Variants in PRELID2 observed in about 807,000 individuals in gnomAD.
PRELID2 encodes PRELI domain containing 2, also known as PRELI domain-containing protein 2.
In PRELID2, 25 loss-of-function variants were observed where a neutral mutation model predicts 28.4. That is an observed-to-expected ratio of 0.88 (90% CI 0.64 to 1.23). The LOEUF is 1.23. Among genes scored for constraint, PRELID2 ranks in the 50% most tolerant of loss-of-function variants. The pLI, the probability that PRELID2 is intolerant of heterozygous loss-of-function variation, is 0.00. For synonymous variants in PRELID2, 76 were observed against 71.6 expected (o/e 1.06, Z -0.31); for missense variants, 201 against 214.4 (o/e 0.94, Z 0.39).
At chr5:145,544,400 G>A (rs895356640) in intron 1 of PRELID2, among the ~76,000 whole-genome samples, 4 of 151,990 alleles carry the variant, frequency 2.6e-5, no homozygotes, top group Admixed American at 1.3e-4. Flanking sequence ...TTTGTATGGC[G>A]AGGTACAAAT....
At chr5:145,364,161 C>A in the PRELID2 span, among the ~76,000 whole-genome samples, 1 of 151,802 alleles carries the variant, frequency 6.6e-6, no homozygotes, top group African/African-American at 2.4e-5. Flanking sequence ...CAAAGGTAAA[C>A]AAAACTGAAA....
At chr5:145,322,574 A>G in the PRELID2 span, among the ~76,000 whole-genome samples, 1 of 152,228 alleles carries the variant, frequency 6.6e-6, no homozygotes, top group African/African-American at 2.4e-5. Flanking sequence ...GCCTAGCAAG[A>G]CAGAAAAACA....
the PRELID2 span, among the ~76,000 whole-genome samples, chr5:145,450,078 TA>T: frequency 1.3e-5 from 2 of 152,160 alleles, no homozygotes; most frequent in African/African-American, 4.8e-5. Context: ...AAGAGCAGTT[TA>T]AAAAGCTGCG....
At chr5:145,429,309 C>T in the PRELID2 span, among the ~76,000 whole-genome samples, 3 of 152,098 alleles carry the variant, frequency 2.0e-5, no homozygotes, top group Non-Finnish European at 4.4e-5. Flanking sequence ...ACGGATTGGT[C>T]ATGGGGTATG....
chr5:145,315,306 G>A, the PRELID2 span, among the ~76,000 whole-genome samples: 1 of 152,062 alleles, frequency 6.6e-6, no homozygotes, highest in Non-Finnish European at 1.5e-5. Context: ...TTGACCTCGT[G>A]ATCTGCCCGC....
the PRELID2 span, among the ~76,000 whole-genome samples, chr5:145,359,320 A>G: frequency 1.3e-5 from 2 of 152,190 alleles, no homozygotes; most frequent in East Asian, 1.9e-4. Context: ...GTGGCATTCA[A>G]TCTATCACAG....
chr5:145,484,499 T>C (rs896178000), intron 1 of PRELID2, among the ~76,000 whole-genome samples: 6 of 152,234 alleles, frequency 3.9e-5, no homozygotes, highest in African/African-American at 1.4e-4. Context: ...CATTGATACA[T>C]TGATTCATTC....
the PRELID2 span, among the ~76,000 whole-genome samples, chr5:145,343,173 T>C: frequency 3.9e-5 from 6 of 152,058 alleles, no homozygotes; most frequent in South Asian, 1.0e-3. Flanking sequence ...CCAAATGAGC[T>C]TACAAGACAT....
intron 5 of PRELID2, among the ~76,000 whole-genome samples, chr5:145,773,150 C>T (rs1455233516): frequency 6.6e-6 from 1 of 152,140 alleles, no homozygotes; most frequent in Non-Finnish European, 1.5e-5. Flanking sequence ...AATATATCCT[C>T]AAATAATAAA....
chr5:145,634,962 T>C (rs1229281552), intron 1 of PRELID2, among the ~76,000 whole-genome samples: 2 of 152,232 alleles, frequency 1.3e-5, no homozygotes, highest in Admixed American at 6.5e-5. Flanking sequence ...CAGTCACAGT[T>C]AACCATCCCC....
At chr5:145,250,892 G>T in the PRELID2 span, among the ~76,000 whole-genome samples, 1 of 152,118 alleles carries the variant, frequency 6.6e-6, no homozygotes, top group East Asian at 1.9e-4. Context: ...TGCAGTGCCT[G>T]GAAGAGCACA....
At chr5:145,664,701 A>T (rs140589341) in intron 1 of PRELID2, among the ~76,000 whole-genome samples, 114 of 152,214 alleles carry the variant, frequency 7.5e-4, no homozygotes, top group African/African-American at 2.5e-3. Context: ...ATGGGCTTCA[A>T]GGTGGCTCTG....
At chr5:145,652,457 C>T (rs1286689475) in intron 1 of PRELID2, among the ~76,000 whole-genome samples, 3 of 152,114 alleles carry the variant, frequency 2.0e-5, no homozygotes, top group African/African-American at 7.2e-5. Flanking sequence ...GTCAGATTCA[C>T]CAAAGTTGCA....
chr5:145,653,937 T>TC (rs1220539113), intron 1 of PRELID2, among the ~76,000 whole-genome samples: 1 of 151,892 alleles, frequency 6.6e-6, no homozygotes, highest in African/African-American at 2.4e-5. Flanking sequence ...AAAAAACCCT[T>TC]CAAAAAATCA....
chr5:145,283,309 G>C, the PRELID2 span, among the ~76,000 whole-genome samples: 2 of 152,040 alleles, frequency 1.3e-5, no homozygotes, highest in African/African-American at 4.8e-5. Flanking sequence ...GTAAAATTAC[G>C]CAACTGGGGG....
intron 1 of PRELID2, among the ~76,000 whole-genome samples, chr5:145,693,085 C>T (rs1319519624): frequency 6.6e-6 from 1 of 151,918 alleles, no homozygotes; most frequent in Non-Finnish European, 1.5e-5. Context: ...AATTGTTCCT[C>T]ATAAATTCCT....
chr5:145,643,698 G>C (rs773082266), intron 1 of PRELID2, among the ~76,000 whole-genome samples: 31 of 152,122 alleles, frequency 2.0e-4, no homozygotes, highest in Non-Finnish European at 4.4e-4. Context: ...TCAATACCTA[G>C]TTTTTTGAGA....
At chr5:145,760,977 C>T (rs1377813371) in intron 6 of PRELID2, among the ~76,000 whole-genome samples, 1 of 152,176 alleles carries the variant, frequency 6.6e-6, no homozygotes, top group African/African-American at 2.4e-5. Flanking sequence ...TCCATTTTGG[C>T]TCATGACAAA....
At chr5:145,806,872 A>G (rs1050717505) in intron 4 of PRELID2, among the ~76,000 whole-genome samples, 6 of 152,194 alleles carry the variant, frequency 3.9e-5, no homozygotes, top group South Asian at 2.1e-4. Context: ...TTCCACCATA[A>G]TTGTAAGTTT....
Sources: allele counts gnomAD v4.1 joint callset (sites outside exome capture counted in the v4.1 genomes callset), GRCh38; gene constraint gnomAD v4.1.1; transcripts MANE v1.5; gene names NCBI Gene and HGNC (gene_info 2026-07-23, HGNC 2026-07-21).